The following ATM variants were observed in gnomAD, a reference collection of about 807,000 sequenced individuals.
The protein encoded by ATM is ATM serine/threonine kinase.
Under a neutral mutation model 387.0 loss-of-function variants are expected in ATM, and 308 were observed. The ratio of observed to expected loss-of-function variants is 0.80; its 90% confidence interval spans 0.73 to 0.87. The LOEUF is 0.87. Ranked by LOEUF, ATM falls within the 40% of genes least tolerant of loss-of-function variation. The pLI is 0.00. For synonymous variants in ATM, 1,156 were observed against 1,187.3 expected, an observed-to-expected ratio of 0.97 and a Z score of 0.54; for missense variants, 3,312 against 3,560.9, an observed-to-expected ratio of 0.93 and a Z score of 1.78.
chr11:108,311,654 T>TGC (rs1051975135), intron 39 of ATM, among the ~76,000 whole-genome samples: 2 of 151,526 alleles, frequency 1.3e-5, no homozygotes, highest in Non-Finnish European at 2.9e-5. Context: ...GCCATGATTG[T>TGC]GCCACTGCAC....
intron 34 of ATM, 94 bp from the exon 35 acceptor site, chr11:108,301,554 T>A: frequency 9.4e-6 from 14 of 1,492,440 alleles, no homozygotes; most frequent in Non-Finnish European, 1.3e-5. Context: ...ATACAAATTT[T>A]AAATTTTAGT....
intron 56 of ATM, among the ~76,000 whole-genome samples, chr11:108,338,981 T>C (rs978449270): frequency 1.2e-4 from 19 of 152,166 alleles, no homozygotes; most frequent in African/African-American, 2.7e-4. Context: ...AGAGCATACA[T>C]TGACTACCTG....
intron 16 of ATM, among the ~76,000 whole-genome samples, chr11:108,259,850 A>T (rs140569208): frequency 6.6e-6 from 1 of 152,120 alleles, no homozygotes; most frequent in Non-Finnish European, 1.5e-5. Context: ...TGAAATATCT[A>T]TTGAGTGAAA....
intron 23 of ATM, 45 bp from the exon 24 acceptor site, chr11:108,280,950 A>G: frequency 2.0e-6 from 3 of 1,536,490 alleles, no homozygotes; most frequent in Non-Finnish European, 2.7e-6. Context: ...TGATTGTTAA[A>G]CATTTACATT....
intron 5 of ATM, among the ~76,000 whole-genome samples, chr11:108,236,812 G>A (rs2079302800): frequency 2.0e-5 from 3 of 152,172 alleles, no homozygotes; most frequent in Admixed American, 2.0e-4. Context: ...AGACCACAAA[G>A]GAAGGAAGTT....
intron 51 of ATM, 53 bp from the exon 52 acceptor site, chr11:108,331,826 T>G (rs1393236867): frequency 5.7e-6 from 9 of 1,581,386 alleles, no homozygotes; most frequent in Non-Finnish European, 7.8e-6. Context: ...ATGAAAAATA[T>G]GGATTATATT....
chr11:108,355,014 G>C, intron 61 of ATM, 140 bp downstream of exon 61: 1 of 741,824 alleles, frequency 1.3e-6, no homozygotes, highest in Admixed American at 2.1e-5. Flanking sequence ...GGAGGAGATT[G>C]TGCACTTAGC....
chr11:108,317,964 C>T (rs2084892642), intron 43 of ATM, among the ~76,000 whole-genome samples: 1 of 152,060 alleles, frequency 6.6e-6, no homozygotes, highest in South Asian at 2.1e-4. Context: ...ATTCCTCTTT[C>T]TACTTCCTGC....
At chr11:108,273,966 C>A (rs1212170442) in intron 22 of ATM, among the ~76,000 whole-genome samples, 1 of 152,132 alleles carries the variant, frequency 6.6e-6, no homozygotes, top group Non-Finnish European at 1.5e-5. Flanking sequence ...CCTCTTTGTA[C>A]CCCTGGTAGA....
At position 108,354,979 on chromosome 11, in the gene ATM, G is replaced by A. The variant is rs555009894; in HGVS notation, c.8850+105G>A. 9.4e-5 allele frequency: 91 copies of A among 970,504 alleles called. No individual in the cohort carries two copies. In the African/African-American group the frequency reaches 1.4e-3, roughly 15 times the overall value. The allele number at this position is 970,504 out of a possible 1,614,324, so 60.1% of individuals were successfully genotyped here. On this transcript the variant is annotated intron_variant, in intron 61 of 62. Transcript: ENST00000675843. ...AAGAGCACTGCTTCATTTTAACATA[G>A]GGGGATGTGGCTGGGCAGCAGAAAG... is the stretch of plus-strand genomic sequence containing the variant.
At chr11:108,324,532 A>G (rs2085468375) in intron 45 of ATM, among the ~76,000 whole-genome samples, 1 of 152,078 alleles carries the variant, frequency 6.6e-6, no homozygotes, top group African/African-American at 2.4e-5. Context: ...AGTTCCGCAA[A>G]AAGTTTGAGA....
chr11:108,242,290 A>G (rs1251456811), intron 5 of ATM, among the ~76,000 whole-genome samples: 6 of 152,214 alleles, frequency 3.9e-5, no homozygotes, highest in African/African-American at 1.4e-4. Context: ...AAAGTCATCC[A>G]ATATAAAATA....
intron 42 of ATM, 61 bp downstream of exon 42, chr11:108,316,174 A>T: frequency 7.0e-7 from 1 of 1,420,112 alleles, no homozygotes; most frequent in Non-Finnish European, 9.9e-7. Context: ...TTATTTCAGT[A>T]TGTTGGTGGA....
intron 4 of ATM, among the ~76,000 whole-genome samples, chr11:108,231,227 A>C (rs1278518795): frequency 6.6e-6 from 1 of 152,192 alleles, no homozygotes; most frequent in Non-Finnish European, 1.5e-5. Flanking sequence ...TTTAACTTGT[A>C]CAATTAATAT....
intron 60 of ATM, 55 bp from the exon 61 acceptor site, chr11:108,354,754 TAC>T: frequency 4.3e-6 from 6 of 1,399,540 alleles, no homozygotes; most frequent in Non-Finnish European, 6.1e-6. Flanking sequence ...CAGATAAAGA[TAC>T]GTTGACAACA....
chr11:108,281,179 A>G lies in ATM; in HGVS notation c.3576+11A>G. The G allele has an allele frequency of 6.2e-7, 1 of 1,612,676 alleles. No homozygotes were observed. The highest frequency in any genetic ancestry group is 8.5e-7 in the Non-Finnish European group (1 of 1,178,782). On this transcript the variant is annotated intron_variant, in intron 24 of 62. Transcript: ENST00000675843. ...CACCTTGTGAAAAAGGTATATATGG[A>G]TGAGTATTTTATTAGAAGCTTCCTT...
intron 7 of ATM, 38 bp downstream of exon 7, chr11:108,245,064 T>A (rs2079778879): frequency 6.7e-7 from 1 of 1,482,886 alleles, no homozygotes; most frequent in African/African-American, 1.4e-5. Context: ...ATTTGCTTCT[T>A]CATTCAAACA....
rs1020202983 is a variant in ATM at position 108,287,629 on chromosome 11, A to T, written c.4023A>T (p.Pro1341=). 4 of 1,612,800 alleles carry T rather than the reference A, an allele frequency of 2.5e-6. No individual in the cohort carries two copies. Among genetic ancestry groups the T allele is most frequent in the Non-Finnish European group, 3.4e-6 (4 of 1,179,232 alleles). The stretch of plus-strand genomic sequence containing the variant: ...ATCACTTATTCATTAGTAATTTACC[A>T]GAGATTGTGGTGGAGTTATTGATGA... The part of the protein sequence containing the change: ...QIDHLFISNL[P]EIVVELLMTL... Residue 1341 remains proline (P), a synonymous_variant, in exon 27 of 63, where the codon CCA becomes CCT. Coordinates refer to ENST00000675843, the MANE Select transcript of ATM (RefSeq NM_000051.4).
At position 108,247,323 on chromosome 11, in the gene ATM, T is replaced by C. The variant is rs567666027; in HGVS notation, c.1065+196T>C. ...TTAAAAGTTAATGCTTTTGCAGATA[T>C]TTGAAAACTAACAATGAACTTTTTC... On this transcript the variant is annotated intron_variant, in intron 8 of 62. Coordinates refer to ENST00000675843, the MANE Select transcript of ATM (RefSeq NM_000051.4). 3.3e-5 allele frequency among the ~76,000 whole-genome samples: 5 copies of C among 152,320 alleles called. No individual in the cohort carries two copies. In the East Asian group the frequency reaches 9.6e-4, roughly 29 times the overall value.
Sources: allele counts gnomAD v4.1 joint callset (sites outside exome capture counted in the v4.1 genomes callset), GRCh38; gene constraint gnomAD v4.1.1; transcripts MANE v1.5; gene names NCBI Gene and HGNC (gene_info 2026-07-23, HGNC 2026-07-21).